SCN10A: variants seen among roughly 807,000 people sequenced by gnomAD.
The protein encoded by SCN10A is sodium voltage-gated channel alpha subunit 10.
SCN10A carries 162 observed loss-of-function variants against 170.7 expected under a neutral mutation model. The ratio of observed to expected loss-of-function variants is 0.95; its 90% CI spans 0.84 to 1.08. The LOEUF (loss-of-function observed/expected upper bound fraction) is 1.08. SCN10A is among the 50% of genes least tolerant of loss of function. The pLI is 0.00. For synonymous variants in SCN10A, 985 were observed against 904.6 expected (o/e 1.09, Z -1.59); for missense variants, 2,527 against 2,436.9 (o/e 1.04, Z -0.78).
chr3:38,776,575 CAT>C (rs749095875), intron 4 of SCN10A, among the ~76,000 whole-genome samples: 2 of 151,980 alleles, frequency 1.3e-5, no homozygotes, highest in Non-Finnish European at 1.5e-5. Context: ...TTTTTGAAAA[CAT>C]AAAAAGTTAG....
intron 1 of SCN10A, among the ~76,000 whole-genome samples, chr3:38,796,741 C>G (rs73064572): frequency 0.13 from 19,332 of 152,134 alleles, 1,350 homozygotes; most frequent in African/African-American, 0.16. Context: ...TCTTCCATTT[C>G]TGACCTATAT....
intron 26 of SCN10A, among the ~76,000 whole-genome samples, chr3:38,705,822 A>G (rs992129424): frequency 1.3e-5 from 2 of 152,198 alleles, no homozygotes; most frequent in African/African-American, 4.8e-5. Flanking sequence ...AGCCACAAGT[A>G]AAGGCCAGTG....
At position 38,697,248 on chromosome 3, in the gene SCN10A, A is replaced by T. The variant is rs2063098284; in HGVS notation, c.*101T>A. 1 of 1,527,144 alleles carries T rather than the reference A, an allele frequency of 6.5e-7. No homozygotes were observed. Among genetic ancestry groups the T allele is most frequent in the Non-Finnish European group, 8.8e-7 (1 of 1,139,096 alleles). 94.6% of individuals were successfully genotyped at this position (1,527,144 alleles called of 1,614,324 possible). ...TCTGACATTGTGACCAGTGGCATGC[A>T]TTGGTGAGGCTGTAGCTGGGTGTGA... On this transcript the variant is annotated 3_prime_UTR_variant, in exon 28 of 28. Coordinates refer to ENST00000449082, the MANE Select transcript of SCN10A (RefSeq NM_006514.4).
chr3:38,723,663 A>G, intron 18 of SCN10A, 110 bp from the exon 19 acceptor site: 1 of 1,314,090 alleles, frequency 7.6e-7, no homozygotes, highest in Non-Finnish European at 1.0e-6. Flanking sequence ...TCGCCAGCTG[A>G]GGCCTGGAAC....
chr3:38,743,261 T>C (rs2063653587), intron 13 of SCN10A, among the ~76,000 whole-genome samples: 1 of 151,772 alleles, frequency 6.6e-6, no homozygotes, highest in Admixed American at 6.6e-5. Flanking sequence ...TGGTATTCTG[T>C]CTTCGTGCCC....
intron 26 of SCN10A, among the ~76,000 whole-genome samples, chr3:38,704,522 A>G (rs1428476056): frequency 6.6e-6 from 1 of 152,076 alleles, no homozygotes; most frequent in Non-Finnish European, 1.5e-5. Context: ...TACCTTTGCA[A>G]CCCTTGGTGC....
chr3:38,739,855 C>A (rs939884602), intron 14 of SCN10A, among the ~76,000 whole-genome samples, 167 bp from the exon 15 acceptor site: 1 of 152,144 alleles, frequency 6.6e-6, no homozygotes, highest in African/African-American at 2.4e-5. Context: ...TAACAGTCAA[C>A]GTGACAGAAT....
At chr3:38,756,995 C>T (rs746975981) in intron 9 of SCN10A, 23 bp downstream of exon 9, 11 of 1,603,186 alleles carry the variant, frequency 6.9e-6, no homozygotes, top group Admixed American at 1.7e-5. Context: ...ACCAAGTCTG[C>T]GTGGGGGAAT....
intron 14 of SCN10A, among the ~76,000 whole-genome samples, chr3:38,740,006 G>C (rs185745985): frequency 6.6e-6 from 1 of 152,182 alleles, no homozygotes; most frequent in African/African-American, 2.4e-5. Context: ...GTCTGGTTCA[G>C]TAGTTAAAAC....
intron 1 of SCN10A, among the ~76,000 whole-genome samples, chr3:38,809,219 G>A (rs139596811): frequency 3.9e-5 from 6 of 152,336 alleles, no homozygotes; most frequent in South Asian, 2.1e-4. Context: ...TCTCCCAAAT[G>A]TGATTGGTCT....
rs570888555 is a variant in SCN10A, at chr3:38,798,781, G to A, written c.-32-4739C>T. 1.3e-4 allele frequency among the ~76,000 whole-genome samples: 12 copies of A among 94,790 alleles called. No individual in the cohort carries two copies. In the South Asian group the frequency reaches 4.4e-3, roughly 34 times the overall value. 62.2% of individuals were successfully genotyped at this position (94,790 alleles called of 152,430 possible). On this transcript the variant is annotated intron_variant, in intron 1 of 27. Coordinates refer to ENST00000449082, the MANE Select transcript of SCN10A (RefSeq NM_006514.4). ...CCAACAGCGATATTTGGTTCCCCTT[G>A]CCTCCTTTTTTTTTTTTTTTTTTTT...
At chr3:38,723,643 G>A in intron 18 of SCN10A, 90 bp from the exon 19 acceptor site, 3 of 1,426,910 alleles carry the variant, frequency 2.1e-6, no homozygotes, top group Non-Finnish European at 2.9e-6. Flanking sequence ...CTGCACCCAT[G>A]TTTGGTGCCT....
intron 13 of SCN10A, 100 bp downstream of exon 13, chr3:38,749,973 G>T: frequency 3.1e-6 from 2 of 639,780 alleles, no homozygotes; most frequent in South Asian, 4.5e-5. Flanking sequence ...CCAGTACACA[G>T]AGATGGACGC....
chr3:38,759,920 C>A (rs1042305148), intron 8 of SCN10A, among the ~76,000 whole-genome samples: 7 of 152,164 alleles, frequency 4.6e-5, no homozygotes, highest in African/African-American at 1.7e-4. Context: ...AAGTCTGATA[C>A]ATGTGTTTTT....
intron 21 of SCN10A, 98 bp from the exon 22 acceptor site, chr3:38,714,178 C>T (rs565893128): frequency 1.4e-6 from 2 of 1,447,434 alleles, no homozygotes; most frequent in South Asian, 2.5e-5. Context: ...CCCATTCCTA[C>T]ACGTCTAAGC....
chr3:38,742,500 G>T lies in SCN10A; in HGVS notation c.1897C>A (p.Pro633Thr). The T allele has an allele frequency of 1.9e-6, 3 of 1,614,176 alleles. No individual in the cohort carries two copies. Among genetic ancestry groups the T allele is most frequent in the Non-Finnish European group, 2.5e-6 (3 of 1,180,034 alleles). ...TTCTGAGACAAGCTGGTCAAGCAGG[G>T]TGGGCACTTCTGTTCAGACTCCTCG... The part of the protein sequence containing the change: ...ELEESEQKCP[P>T]CLTSLSQKYL... Residue 633 changes from proline to threonine, a missense_variant, in exon 14 of 28, where the codon CCC (proline) becomes ACC (threonine). By Grantham distance (38) the Pro-to-Thr change is conservative. Coordinates refer to ENST00000449082, the MANE Select transcript of SCN10A (RefSeq NM_006514.4).
rs145644439 is a variant in SCN10A, at chr3:38,763,460, G to A, written c.691+45C>T. 5,923 of 1,413,052 alleles carry A rather than the reference G, an allele frequency of 4.2e-3. 22 individuals are homozygous for A. Among genetic ancestry groups the A allele is most frequent in the Non-Finnish European group, 5.0e-3 (5,014 of 996,784 alleles). The allele number at this position is 1,413,052 out of a possible 1,614,324, so 87.5% of individuals were successfully genotyped here. A position where few individuals can be genotyped will look rare whatever the true frequency, so the allele number is the denominator to read the frequency against. On this transcript the variant is annotated intron_variant, in intron 6 of 27. Coordinates refer to ENST00000449082, the MANE Select transcript of SCN10A (RefSeq NM_006514.4). ...GTTCTTGTGAAAATTAGAGAAGGGAGTTAGGCTGTGAAAACCAACATATGC... is the reference window on the plus strand; with the variant it reads ...GTTCTTGTGAAAATTAGAGAAGGGAATTAGGCTGTGAAAACCAACATATGC...
chr3:38,767,634 A>T (rs2063947707), intron 5 of SCN10A, among the ~76,000 whole-genome samples: 1 of 152,040 alleles, frequency 6.6e-6, no homozygotes, highest in Admixed American at 6.5e-5. Flanking sequence ...TCTTAAATTT[A>T]TTGAGATTTG....
rs573675286 is a variant in SCN10A, at chr3:38,739,463, T to C, written c.2280+52A>G. ...GGTGCAGTCCCCAGAGCACAGTGTC[T>C]TCCCTGAATCTGGGTGGGAGTTTCC... is the stretch of plus-strand genomic sequence containing the variant. On this transcript the variant is annotated intron_variant, in intron 15 of 27. Transcript: ENST00000449082. The C allele has an allele frequency of 1.5e-5, 23 of 1,545,606 alleles. No individual in the cohort carries two copies. In the African/African-American group the frequency reaches 2.4e-4, roughly 16 times the overall value.
Sources: gnomAD v4.1 joint callset for allele counts (sites outside exome capture counted in the v4.1 genomes callset) on GRCh38, gnomAD v4.1.1 for gene constraint, MANE v1.5 for transcripts, NCBI Gene and HGNC (gene_info 2026-07-23, HGNC 2026-07-21) for gene names.